Variants in CAMTA1 observed in about 807,000 individuals in gnomAD.
CAMTA1 encodes calmodulin binding transcription activator 1.
A neutral mutation model predicts 170.9 loss-of-function variants in CAMTA1; 27 were observed. The observed-to-expected ratio is 0.16, with a 90% CI of 0.12 to 0.22. The LOEUF is 0.22. Ranked by LOEUF, CAMTA1 falls within the 10% of genes least tolerant of loss-of-function variation. The pLI is 1.00. For synonymous variants in CAMTA1, 833 were observed against 891.5 expected (o/e 0.93, Z 1.17); for missense variants, 1,619 against 2,217.2 (o/e 0.73, Z 5.42).
At chr1:7,061,582 T>G (rs1403037917) in intron 3 of CAMTA1, among the ~76,000 whole-genome samples, 2 of 152,080 alleles carry the variant, frequency 1.3e-5, no homozygotes, top group Non-Finnish European at 2.9e-5. Flanking sequence ...GGCCAGATTT[T>G]GAGCAGGAGC....
At chr1:6,877,554 G>T (rs1670278398) in intron 3 of CAMTA1, among the ~76,000 whole-genome samples, 1 of 152,184 alleles carries the variant, frequency 6.6e-6, no homozygotes, top group Non-Finnish European at 1.5e-5. Context: ...TGTGGTGATT[G>T]TTTCCCTGGG....
intron 5 of CAMTA1, among the ~76,000 whole-genome samples, chr1:7,335,092 C>A (rs1023270690): frequency 1.2e-5 from 1 of 86,528 alleles, no homozygotes; most frequent in Non-Finnish European, 2.1e-5. Flanking sequence ...CTATATACTA[C>A]GGAGAAGAGG....
chr1:7,657,773 C>G (rs1250597406), intron 7 of CAMTA1, among the ~76,000 whole-genome samples: 1 of 152,214 alleles, frequency 6.6e-6, no homozygotes, highest in Admixed American at 6.5e-5. Flanking sequence ...CCACCCACCC[C>G]CAACACCAGA....
rs536456714 is a variant in CAMTA1 at position 6,832,666 on chromosome 1, C to T, written c.234+7456C>T. 2.4e-3 allele frequency among the ~76,000 whole-genome samples: 359 copies of T among 152,160 alleles called. 5 individuals are homozygous for T. Among genetic ancestry groups the T allele is most frequent in the Non-Finnish European group, 4.1e-3 (277 of 68,018 alleles). ...AGGTGAGATATTTCAGTTTTGATGG[C>T]GTGGAAAGTCAGTTAACCTTTAGGT... On this transcript the variant is annotated intron_variant, in intron 3 of 22. Transcript: ENST00000303635.
intron 6 of CAMTA1, among the ~76,000 whole-genome samples, chr1:7,499,307 T>C (rs1264114509): frequency 1.2e-5 from 1 of 81,270 alleles, no homozygotes; most frequent in East Asian, 3.7e-4. Context: ...TGTATGTATA[T>C]GAGTGTGTGT....
chr1:7,153,235 A>G (rs1387296554), intron 4 of CAMTA1, among the ~76,000 whole-genome samples: 1 of 152,226 alleles, frequency 6.6e-6, no homozygotes, highest in East Asian at 1.9e-4. Flanking sequence ...TGAGAAAGAC[A>G]GAGTCCCTAC....
chr1:7,304,168 C>T (rs139372755), intron 5 of CAMTA1, among the ~76,000 whole-genome samples: 3 of 152,268 alleles, frequency 2.0e-5, no homozygotes, highest in Non-Finnish European at 2.9e-5. Flanking sequence ...ACAATGCGAA[C>T]GTCCTCAATG....
At chr1:7,104,091 C>T (rs1558104378) in intron 4 of CAMTA1, among the ~76,000 whole-genome samples, 2 of 148,784 alleles carry the variant, frequency 1.3e-5, no homozygotes, top group South Asian at 2.2e-4. Context: ...ACACACAACA[C>T]ACATACACAA....
chr1:6,890,796 C>T (rs1039165858), intron 3 of CAMTA1, among the ~76,000 whole-genome samples: 2 of 152,096 alleles, frequency 1.3e-5, no homozygotes, highest in South Asian at 4.2e-4. Flanking sequence ...GGTCTTGGAA[C>T]TCTTGGCCTC....
chr1:7,581,518 G>C (rs954869450), intron 6 of CAMTA1, among the ~76,000 whole-genome samples: 1 of 152,194 alleles, frequency 6.6e-6, no homozygotes, highest in Non-Finnish European at 1.5e-5. Context: ...GGTGGGGCTG[G>C]GTGCCAGAAA....
At chr1:7,649,405 C>G (rs1350754835) in intron 7 of CAMTA1, among the ~76,000 whole-genome samples, 1 of 152,190 alleles carries the variant, frequency 6.6e-6, no homozygotes, top group Admixed American at 6.5e-5. Flanking sequence ...TTACCCTTCC[C>G]TTTGGGAAGG....
At chr1:6,893,215 C>T (rs1012020727) in intron 3 of CAMTA1, among the ~76,000 whole-genome samples, 4 of 151,858 alleles carry the variant, frequency 2.6e-5, no homozygotes, top group South Asian at 2.1e-4. Flanking sequence ...CAGCCGAGAT[C>T]GCGTCATTGC....
At chr1:7,390,882 A>G (rs1448366476) in intron 5 of CAMTA1, among the ~76,000 whole-genome samples, 1 of 152,202 alleles carries the variant, frequency 6.6e-6, no homozygotes, top group African/African-American at 2.4e-5. Context: ...CATTTCTCTC[A>G]AGATGGCCAT....
At chr1:7,000,720 C>A (rs1351690281) in intron 3 of CAMTA1, among the ~76,000 whole-genome samples, 1 of 152,200 alleles carries the variant, frequency 6.6e-6, no homozygotes, top group Non-Finnish European at 1.5e-5. Context: ...ACATTCCCAC[C>A]CTTACCTGTT....
At chr1:7,728,409 G>T (rs1450203465) in intron 11 of CAMTA1, among the ~76,000 whole-genome samples, 1 of 152,224 alleles carries the variant, frequency 6.6e-6, no homozygotes, top group Non-Finnish European at 1.5e-5. Context: ...GAGCACCTTT[G>T]GTGCTTTTCT....
chr1:6,898,762 C>T (rs1676209106), intron 3 of CAMTA1, among the ~76,000 whole-genome samples: 1 of 152,204 alleles, frequency 6.6e-6, no homozygotes, highest in African/African-American at 2.4e-5. Context: ...ATGAGCTTTG[C>T]TTTGCTTCAA....
At chr1:7,126,988 C>G (rs1445279415) in intron 4 of CAMTA1, among the ~76,000 whole-genome samples, 1 of 152,064 alleles carries the variant, frequency 6.6e-6, no homozygotes, top group Non-Finnish European at 1.5e-5. Context: ...CCAGGATGGT[C>G]TTGATCTCCT....
intron 1 of CAMTA1, among the ~76,000 whole-genome samples, chr1:6,786,232 C>A (rs1639296962): frequency 6.6e-6 from 1 of 152,022 alleles, no homozygotes; most frequent in East Asian, 2.0e-4. Flanking sequence ...GGCCGAAGGG[C>A]CTCGTGTGAC....
At chr1:6,870,958 G>A (rs1231648841) in intron 3 of CAMTA1, among the ~76,000 whole-genome samples, 1 of 152,132 alleles carries the variant, frequency 6.6e-6, no homozygotes, top group Non-Finnish European at 1.5e-5. Flanking sequence ...TACCATTACT[G>A]CAAAGTTTGT....
Sources: allele counts gnomAD v4.1 joint callset (sites outside exome capture counted in the v4.1 genomes callset), GRCh38; gene constraint gnomAD v4.1.1; transcripts MANE v1.5; gene names NCBI Gene and HGNC (gene_info 2026-07-23, HGNC 2026-07-21).